The following POM121C variants were observed in gnomAD, a reference collection of about 807,000 sequenced individuals.
POM121C encodes nuclear envelope pore membrane protein POM 121C.
POM121C carries 20 observed loss-of-function variants against 66.4 expected under a neutral mutation model. That is an observed-to-expected ratio of 0.30 (90% CI 0.21 to 0.44). The LOEUF (loss-of-function observed/expected upper bound fraction) is 0.44. Among genes scored for constraint, POM121C ranks in the 20% least tolerant of loss-of-function variants. The probability of loss-of-function intolerance (pLI) is 1.00; values close to 1 mark genes in which losing one functional copy is unlikely to be tolerated. For synonymous variants in POM121C, 286 were observed against 528.0 expected (o/e 0.54, Z 6.28); for missense variants, 580 against 1,225.7 (o/e 0.47, Z 7.87).
At chr7:75,449,912 G>A (rs1790963295) in intron 3 of POM121C, among the ~76,000 whole-genome samples, 1 of 152,156 alleles carries the variant, frequency 6.6e-6, no homozygotes, top group Admixed American at 6.6e-5. Flanking sequence ...CTATTAGGAA[G>A]GCTGAGGCAG....
At chr7:75,428,203 G>T (rs1479440630) in intron 7 of POM121C, among the ~76,000 whole-genome samples, 1 of 151,750 alleles carries the variant, frequency 6.6e-6, no homozygotes, top group South Asian at 2.1e-4. Context: ...GCAGTGGCAC[G>T]ATCTCACCTC....
Position 75,419,409 on chromosome 7 carries a change from G to A in POM121C, c.2777C>T (p.Pro926Leu). The A allele has an allele frequency of 6.2e-7, 1 of 1,613,812 alleles. No individual in the cohort carries two copies. The change falls in exon 14 of 15, where the codon CCT (proline) becomes CTT (leucine). Residue 926 changes from proline (P) to leucine (L), a missense_variant. Pro to Leu is a moderately conservative substitution (Grantham distance 98). Transcript: ENST00000615331. ...GCCCGATGTGCCCACTCCAGGCGCAGGGGTGTTCTGACCAAAGGTGGGGGT... is the reference window on the plus strand; with the variant it reads ...GCCCGATGTGCCCACTCCAGGCGCAAGGGTGTTCTGACCAAAGGTGGGGGT... ...TATPTFGQNT[P>L]APGVGTSGSS...
chr7:75,460,333 A>C (rs1554476842), intron 3 of POM121C, among the ~76,000 whole-genome samples: 1 of 151,318 alleles, frequency 6.6e-6, no homozygotes. Flanking sequence ...TCTCCACAAA[A>C]AGAATAAGAA....
At chr7:75,450,340 G>A (rs1790980033) in intron 3 of POM121C, among the ~76,000 whole-genome samples, 1 of 152,072 alleles carries the variant, frequency 6.6e-6, no homozygotes, top group Admixed American at 6.6e-5. Flanking sequence ...CAGGAAAGCT[G>A]GGGAGAATTC....
At chr7:75,429,842 G>C (rs1207651256) in intron 7 of POM121C, among the ~76,000 whole-genome samples, 1 of 151,916 alleles carries the variant, frequency 6.6e-6, no homozygotes, top group Non-Finnish European at 1.5e-5. Flanking sequence ...GTGAGACCTT[G>C]TCTCTACTAT....
chr7:75,431,495 C>T (rs1193136610), intron 7 of POM121C, among the ~76,000 whole-genome samples: 12 of 147,936 alleles, frequency 8.1e-5, no homozygotes, highest in African/African-American at 2.5e-4. Flanking sequence ...CCCAGCTACT[C>T]GGGAGGCTGA....
chr7:75,437,176 C>T (rs373965706), intron 7 of POM121C, among the ~76,000 whole-genome samples: 4 of 152,194 alleles, frequency 2.6e-5, no homozygotes, highest in Admixed American at 1.3e-4. Context: ...CTTTACATTC[C>T]GGGCTTTCTA....
chr7:75,438,966 G>T (rs1169428174), intron 6 of POM121C, among the ~76,000 whole-genome samples, 178 bp downstream of exon 6: 2 of 152,140 alleles, frequency 1.3e-5, no homozygotes, highest in Non-Finnish European at 2.9e-5. Context: ...ACATTAAAAG[G>T]AATTAGACAG....
At chr7:75,450,879 G>A (rs1254975410) in intron 3 of POM121C, among the ~76,000 whole-genome samples, 5 of 152,190 alleles carry the variant, frequency 3.3e-5, no homozygotes, top group African/African-American at 1.2e-4. Flanking sequence ...ACAAGGGAAC[G>A]TATTCAAAGT....
At chr7:75,424,711 C>A in intron 10 of POM121C, 83 bp from the exon 11 acceptor site, 2 of 1,567,952 alleles carry the variant, frequency 1.3e-6, no homozygotes, top group Non-Finnish European at 1.8e-6. Context: ...GTAATCTCAG[C>A]ACTCTGGGAG....
intron 1 of POM121C, among the ~76,000 whole-genome samples, chr7:75,482,022 G>C (rs1554480195): frequency 1.3e-5 from 2 of 151,812 alleles, no homozygotes; most frequent in Non-Finnish European, 2.9e-5. Context: ...TGGTATAGTT[G>C]TGTGAAAAGA....
chr7:75,442,136 G>C (rs1554474104), intron 3 of POM121C: 1 of 1,363,008 alleles, frequency 7.3e-7, no homozygotes, highest in Non-Finnish European at 9.4e-7. Flanking sequence ...GAAAATCAGC[G>C]CATCTCACCG....
chr7:75,438,073 T>TC (rs1790482037), intron 6 of POM121C, among the ~76,000 whole-genome samples: 1 of 152,132 alleles, frequency 6.6e-6, no homozygotes, highest in South Asian at 2.1e-4. Context: ...TCACATGCTT[T>TC]AAACAAGTAC....
intron 3 of POM121C, among the ~76,000 whole-genome samples, chr7:75,470,898 T>C (rs587614972): frequency 6.6e-6 from 1 of 152,110 alleles, no homozygotes; most frequent in East Asian, 1.9e-4. Context: ...CCACTCAAAG[T>C]GCTGGGATTA....
In POM121C at chr7:75,459,924, A is replaced by G. The variant is rs587645502; in HGVS notation, c.-152+14780T>C. Among the ~76,000 whole-genome samples, 566 of 147,974 alleles carry G rather than the reference A, an allele frequency of 3.8e-3. 19 individuals carry two copies. The highest frequency in any genetic ancestry group is 0.035 in the Admixed American group (504 of 14,290). On this transcript the variant is annotated intron_variant, in intron 3 of 14. Transcript: ENST00000615331. Reference sequence around the variant, plus strand: ...AAAAGGTTGATACTAGCCAATGATCATAAGTATGTATAATATAATCTCTAC... The same window carrying G: ...AAAAGGTTGATACTAGCCAATGATCGTAAGTATGTATAATATAATCTCTAC...
In POM121C at chr7:75,424,378, G is replaced by A. The variant is rs587601833; in HGVS notation, c.871+148C>T. The A allele has an allele frequency of 2.5e-4, 305 of 1,238,872 alleles. No homozygotes were observed. In the African/African-American group the frequency reaches 2.8e-3, roughly 12 times the overall value. The allele number at this position is 1,238,872 out of a possible 1,614,324, so 76.7% of individuals were successfully genotyped here. On this transcript the variant is annotated intron_variant, in intron 11 of 14. Transcript: ENST00000615331. ...GTCCAGTTCCCGTGAAGACCAACAC[G>A]GATATCTCAGGTGAGAAAGACCACA...
chr7:75,426,679 T>C (rs1407545963), intron 7 of POM121C, among the ~76,000 whole-genome samples: 1 of 61,186 alleles, frequency 1.6e-5, no homozygotes, highest in Non-Finnish European at 3.0e-5. Context: ...CTACAAAAAA[T>C]TGAAAAATCA....
chr7:75,463,238 A>C (rs1178772325), intron 3 of POM121C, among the ~76,000 whole-genome samples: 2 of 152,100 alleles, frequency 1.3e-5, no homozygotes, highest in African/African-American at 4.8e-5. Flanking sequence ...CCTGCTACTC[A>C]GGATGCTCAG....
At chr7:75,439,072 C>G (rs1308239013) in intron 6 of POM121C, 72 bp downstream of exon 6, 3 of 1,536,384 alleles carry the variant, frequency 2.0e-6, no homozygotes, top group Non-Finnish European at 2.7e-6. Context: ...AGAGGAAAAT[C>G]TATAGGGCAA....
Sources: gnomAD v4.1 joint callset for allele counts (sites outside exome capture counted in the v4.1 genomes callset) on GRCh38, gnomAD v4.1.1 for gene constraint, MANE v1.5 for transcripts, NCBI Gene and HGNC (gene_info 2026-07-23, HGNC 2026-07-21) for gene names.